The following HPSE2 variants were observed in gnomAD, a reference collection of about 807,000 sequenced individuals.
The protein encoded by HPSE2 is heparanase 2 (inactive), also known as inactive heparanase-2.
HPSE2 carries 38 observed loss-of-function variants against 60.5 expected under a neutral mutation model. The ratio of observed to expected loss-of-function variants is 0.63; its 90% CI spans 0.48 to 0.82. HPSE2 has a LOEUF of 0.82. Ranked by LOEUF, HPSE2 falls within the 40% of genes least tolerant of loss-of-function variation. HPSE2 has a pLI of 0.00. For synonymous variants in HPSE2, 295 were observed against 293.2 expected (o/e 1.01, Z -0.06); for missense variants, 713 against 740.4 (o/e 0.96, Z 0.43).
At chr10:98,462,043 C>T (rs1940314037) in intron 11 of HPSE2, among the ~76,000 whole-genome samples, 1 of 152,120 alleles carries the variant, frequency 6.6e-6, no homozygotes, top group African/African-American at 2.4e-5. Flanking sequence ...AACCTCACTG[C>T]CCTGTAGCTT....
At chr10:98,975,405 G>A (rs1956060964) in intron 3 of HPSE2, among the ~76,000 whole-genome samples, 1 of 152,050 alleles carries the variant, frequency 6.6e-6, no homozygotes, top group Non-Finnish European at 1.5e-5. Flanking sequence ...AATTCAACTT[G>A]AGGCACCAAT....
At chr10:98,942,312 A>C (rs2135157985) in intron 3 of HPSE2, among the ~76,000 whole-genome samples, 1 of 143,684 alleles carries the variant, frequency 7.0e-6, no homozygotes, top group East Asian at 2.0e-4. Context: ...AATGGGAGAA[A>C]ATTTTCGCAA....
intron 11 of HPSE2, among the ~76,000 whole-genome samples, chr10:98,482,257 C>G (rs1212037536): frequency 1.3e-5 from 2 of 152,132 alleles, no homozygotes; most frequent in Non-Finnish European, 2.9e-5. Flanking sequence ...GGACATGGTT[C>G]TCAACTACCA....
chr10:98,742,454 A>C (rs1949521198), intron 4 of HPSE2, among the ~76,000 whole-genome samples: 1 of 151,954 alleles, frequency 6.6e-6, no homozygotes, highest in African/African-American at 2.4e-5. Context: ...GACATATAAG[A>C]CTGTTAATGA....
chr10:99,295,503 T>C, the HPSE2 span, among the ~76,000 whole-genome samples: 4 of 152,354 alleles, frequency 2.6e-5, no homozygotes. Flanking sequence ...ACAGTTATTA[T>C]TCCAACTAAG....
chr10:99,069,279 A>G (rs1367363969), intron 3 of HPSE2, among the ~76,000 whole-genome samples: 1 of 152,116 alleles, frequency 6.6e-6, no homozygotes, highest in Non-Finnish European at 1.5e-5. Flanking sequence ...CCTGAATCTC[A>G]GAAGTCCTTG....
At chr10:98,482,608 C>T in intron 11 of HPSE2, 28 bp downstream of exon 11, 2 of 1,613,824 alleles carry the variant, frequency 1.2e-6, no homozygotes, top group Non-Finnish European at 1.7e-6. Context: ...TGCACTTGCT[C>T]CCGAGCTATT....
In HPSE2 at chr10:98,743,900, G is replaced by A; in HGVS notation, c.767C>T (p.Ser256Phe). 1 of 1,613,912 alleles carries A rather than the reference G, an allele frequency of 6.2e-7. No homozygotes were observed. The highest frequency in any genetic ancestry group is 8.5e-7 in the Non-Finnish European group (1 of 1,179,816). Residue 256 changes from serine (S) to phenylalanine (F), a missense_variant, in exon 4 of 12, where the codon TCT becomes TTT. Transcript: ENST00000370552. ...KYSASKKYNI[S>F]WELGNEPNNY... is the part of the protein sequence containing the mutation. The stretch of plus-strand genomic sequence containing the variant: ...TTACTTACCATTACCCAGTTCCCAA[G>A]AAATGTTGTACTTTTTGCTGGCGCT...
At chr10:99,193,908 A>G (rs1848306172) in intron 2 of HPSE2, among the ~76,000 whole-genome samples, 2 of 152,104 alleles carry the variant, frequency 1.3e-5, no homozygotes, top group Admixed American at 1.3e-4. Flanking sequence ...ACAAAGAAAT[A>G]CTGGATTTAA....
At chr10:99,282,368 C>G in the HPSE2 span, among the ~76,000 whole-genome samples, 1 of 152,022 alleles carries the variant, frequency 6.6e-6, no homozygotes, top group Non-Finnish European at 1.5e-5. Flanking sequence ...AGTCCCAAAA[C>G]AAATAAAGCA....
intron 9 of HPSE2, among the ~76,000 whole-genome samples, chr10:98,563,517 C>T (rs1165724935): frequency 6.6e-6 from 1 of 152,108 alleles, no homozygotes; most frequent in Non-Finnish European, 1.5e-5. Flanking sequence ...CTATGCTAAA[C>T]ACCATTGCAT....
intron 5 of HPSE2, among the ~76,000 whole-genome samples, chr10:98,697,967 C>A (rs1948277190): frequency 6.7e-6 from 1 of 149,788 alleles, no homozygotes; most frequent in Non-Finnish European, 1.5e-5. Context: ...GCACCCAATA[C>A]AGGAGCACCC....
At chr10:98,803,097 T>C (rs372456610) in intron 3 of HPSE2, among the ~76,000 whole-genome samples, 1 of 151,958 alleles carries the variant, frequency 6.6e-6, no homozygotes, top group East Asian at 1.9e-4. Flanking sequence ...TTTCATGTGT[T>C]TTTTGGCTGC....
At chr10:98,792,641 A>C (rs1950681091) in intron 3 of HPSE2, among the ~76,000 whole-genome samples, 1 of 7,552 alleles carries the variant, frequency 1.3e-4, no homozygotes, top group Non-Finnish European at 4.2e-4. Flanking sequence ...AAATTCCTAC[A>C]AAAAAAAAAA....
chr10:98,889,136 A>G (rs1028997901), intron 3 of HPSE2, among the ~76,000 whole-genome samples: 1 of 152,182 alleles, frequency 6.6e-6, no homozygotes, highest in Non-Finnish European at 1.5e-5. Context: ...ATTCCCAATA[A>G]AAAATGAACC....
At chr10:99,202,382 C>T (rs944261652) in intron 2 of HPSE2, among the ~76,000 whole-genome samples, 2 of 152,082 alleles carry the variant, frequency 1.3e-5, no homozygotes, top group Non-Finnish European at 2.9e-5. Context: ...ATATTCATCG[C>T]TAAACTAAAA....
At chr10:99,242,106 G>T in the HPSE2 span, among the ~76,000 whole-genome samples, 1 of 152,178 alleles carries the variant, frequency 6.6e-6, no homozygotes, top group Non-Finnish European at 1.5e-5. Flanking sequence ...CAGTACAAGA[G>T]AACCCTGGTT....
chr10:99,034,012 C>T (rs1043079122), intron 3 of HPSE2, among the ~76,000 whole-genome samples: 3 of 152,080 alleles, frequency 2.0e-5, no homozygotes, highest in Non-Finnish European at 4.4e-5. Flanking sequence ...AACATGCTCA[C>T]CAAAAACCTA....
intron 6 of HPSE2, among the ~76,000 whole-genome samples, chr10:98,653,799 CTCT>C (rs1946984522): frequency 6.6e-6 from 1 of 152,070 alleles, no homozygotes; most frequent in Non-Finnish European, 1.5e-5. Flanking sequence ...TTCCCTGACA[CTCT>C]TCCTTTCCTT....
Sources: gnomAD v4.1 joint callset for allele counts (sites outside exome capture counted in the v4.1 genomes callset) on GRCh38, gnomAD v4.1.1 for gene constraint, MANE v1.5 for transcripts, NCBI Gene and HGNC (gene_info 2026-07-23, HGNC 2026-07-21) for gene names.